The following FBXO21 variants were observed in gnomAD, a reference collection of about 807,000 sequenced individuals.
FBXO21 encodes F-box only protein 21.
Under a neutral mutation model 76.6 loss-of-function variants are expected in FBXO21, and 32 were observed. The observed-to-expected ratio is 0.42, with a 90% CI of 0.32 to 0.56. The LOEUF is 0.56. Among genes scored for constraint, FBXO21 ranks in the 20% least tolerant of loss-of-function variants. FBXO21 has a pLI of 0.16. For missense variants in FBXO21, 586 were observed against 797.3 expected, an observed-to-expected ratio of 0.73 and a Z score of 3.19; for synonymous variants, 328 against 311.5, an observed-to-expected ratio of 1.05 and a Z score of -0.56.
In FBXO21 at chr12:117,143,177, T is replaced by A. The variant is rs745931273; in HGVS notation, c.*2910A>T. 1.3e-5 allele frequency: 2 copies of A among 152,188 alleles called. No individual in the cohort carries two copies. The highest frequency in any genetic ancestry group is 6.5e-5 in the Admixed American group (1 of 15,278). 9.4% of individuals were successfully genotyped at this position (152,188 alleles called of 1,614,324 possible). ...CTCACTGAGACAGCTTTTCAAAGCA[T>A]GTCTGCAAACACCGGACCCCCGGGG... is the stretch of plus-strand genomic sequence containing the variant. On this transcript the variant is annotated 3_prime_UTR_variant, in exon 12 of 12. Transcript: ENST00000622495.
chr12:117,163,290 T>C (rs1386492052), intron 9 of FBXO21, among the ~76,000 whole-genome samples: 2 of 152,238 alleles, frequency 1.3e-5, no homozygotes, highest in East Asian at 3.8e-4. Flanking sequence ...CCCAGCACTT[T>C]GGGAGGCCGA....
intron 11 of FBXO21, among the ~76,000 whole-genome samples, chr12:117,147,291 A>G (rs1361137919): frequency 8.2e-5 from 7 of 85,000 alleles, no homozygotes; most frequent in African/African-American, 5.2e-4. Flanking sequence ...GAAAAAATGG[A>G]AAAAAAAAAA....
Position 117,186,458 on chromosome 12 carries a change from TGCTAAAG to T in FBXO21, c.470+12_470+18del. The T allele has an allele frequency of 1.3e-6, 2 of 1,543,096 alleles. No individual in the cohort carries two copies. Among genetic ancestry groups the T allele is most frequent in the Non-Finnish European group, 1.8e-6 (2 of 1,117,044 alleles). ...GGACTTATTAAAGCAAACAAATCCC[TGCTAAAG>T]CTATGGCTTACCTTCCTTCCATATT... On this transcript the variant is annotated intron_variant, in intron 3 of 11. Coordinates refer to ENST00000622495, the MANE Select transcript of FBXO21 (RefSeq NM_015002.3).
chr12:117,190,416 G>T lies in FBXO21; in HGVS notation c.41C>A (p.Pro14Gln). The T allele has an allele frequency of 6.8e-6, 10 of 1,475,824 alleles. No homozygotes were observed. Among genetic ancestry groups the T allele is most frequent in the African/African-American group, 1.5e-5 (1 of 68,712 alleles). 91.4% of individuals were successfully genotyped at this position (1,475,824 alleles called of 1,614,324 possible). ...AAVDSAMEVV[P>Q]ALAEEAAPEV... ...CGGCGCGGCCTCCTCCGCCAGCGCC[G>T]GCACCACCTCCATCGCGCTGTCGAC... Residue 14 changes from proline to glutamine, a missense_variant, in exon 1 of 12, where the codon CCG (proline) becomes CAG (glutamine). Pro to Gln is a moderately conservative substitution (Grantham distance 76). Coordinates refer to ENST00000622495, the MANE Select transcript of FBXO21 (RefSeq NM_015002.3).
chr12:117,157,861 C>G lies in FBXO21; in HGVS notation c.1517+12G>C, dbSNP rs114233701. On this transcript the variant is annotated intron_variant, in intron 10 of 11. Transcript: ENST00000622495. The stretch of plus-strand genomic sequence containing the variant: ...AACGGACACTGCAGGACAGATGATC[C>G]CGGGCACTCACCTCTTATGCTTCAT... The G allele has an allele frequency of 1.8e-4, 288 of 1,585,064 alleles. 1 individual carries two copies. In the African/African-American group the frequency reaches 3.6e-3, roughly 20 times the overall value.
intron 9 of FBXO21, 132 bp downstream of exon 9, chr12:117,165,353 T>C: frequency 2.1e-6 from 2 of 944,624 alleles, no homozygotes; most frequent in South Asian, 4.0e-5. Context: ...TACCAATGGG[T>C]TATGATTGGG....
intron 3 of FBXO21, among the ~76,000 whole-genome samples, chr12:117,180,743 A>G (rs547720726): frequency 1.3e-5 from 2 of 151,958 alleles, no homozygotes; most frequent in East Asian, 3.9e-4. Context: ...CTCCTGCCTC[A>G]GCCTCCCAAA....
In FBXO21 at chr12:117,155,814, C is replaced by G; in HGVS notation, c.1652G>C (p.Gly551Ala). ...QPFYNVLVED[G>A]SCRYAAQENL... ...ACCTTGGGCTGCGTATCGACAGGAGCCGTCCTCCACCAGCACGTTATAGAA... is the reference window on the plus strand; with the variant it reads ...ACCTTGGGCTGCGTATCGACAGGAGGCGTCCTCCACCAGCACGTTATAGAA... Residue 551 changes from glycine (G) to alanine (A), a missense_variant, in exon 11 of 12, where the codon GGC becomes GCC. Physicochemically the swap from Gly to Ala is moderately conservative, Grantham distance 60. This residue lies in a region of FBXO21 where 164 missense variants were observed against 236.7 expected (regional missense o/e 0.69). Coordinates refer to ENST00000622495, the MANE Select transcript of FBXO21 (RefSeq NM_015002.3). 1.9e-6 allele frequency: 3 copies of G among 1,613,894 alleles called. No homozygotes were observed. The highest frequency in any genetic ancestry group is 2.2e-5 in the East Asian group (1 of 44,882).
At chr12:117,164,516 T>A (rs976199901) in intron 9 of FBXO21, among the ~76,000 whole-genome samples, 1 of 152,144 alleles carries the variant, frequency 6.6e-6, no homozygotes, top group Non-Finnish European at 1.5e-5. Context: ...TCTCAGGTGA[T>A]CCACCTGCTT....
At chr12:117,162,083 A>T (rs1292267722) in intron 9 of FBXO21, among the ~76,000 whole-genome samples, 1 of 152,074 alleles carries the variant, frequency 6.6e-6, no homozygotes, top group African/African-American at 2.4e-5. Flanking sequence ...CTTGGGGAGG[A>T]GGAAAGGTGG....
chr12:117,167,722 G>T (rs1304038617), intron 7 of FBXO21, among the ~76,000 whole-genome samples: 2 of 149,622 alleles, frequency 1.3e-5, no homozygotes, highest in Non-Finnish European at 3.0e-5. Context: ...CTCCAGCCTG[G>T]GCGACAGAAA....
In FBXO21 at chr12:117,190,374, C is replaced by G; in HGVS notation, c.83G>C (p.Ser28Thr). 1 of 1,516,136 alleles carries G rather than the reference C, an allele frequency of 6.6e-7. No individual in the cohort carries two copies. The highest frequency in any genetic ancestry group is 8.8e-7 in the Non-Finnish European group (1 of 1,141,128). 93.9% of individuals were successfully genotyped at this position (1,516,136 alleles called of 1,614,324 possible). ...EEAAPEVAGL[S>T]CLVNLPGEVL... ...CTCACCCGGCAGGTTGACGAGGCAGCTGAGGCCCGCTACCTCCGGCGCGGC... is the reference window on the plus strand; with the variant it reads ...CTCACCCGGCAGGTTGACGAGGCAGGTGAGGCCCGCTACCTCCGGCGCGGC... Residue 28 changes from serine (S) to threonine (T), a missense_variant, in exon 1 of 12, where the codon AGC (serine) becomes ACC (threonine). This residue lies in a region of FBXO21 where 152 missense variants were observed against 127.2 expected (regional missense o/e 1.19). Coordinates refer to ENST00000622495, the MANE Select transcript of FBXO21 (RefSeq NM_015002.3).
At chr12:117,181,608 T>TCTAC (rs1956233556) in intron 3 of FBXO21, among the ~76,000 whole-genome samples, 1 of 123,808 alleles carries the variant, frequency 8.1e-6, no homozygotes, top group South Asian at 2.3e-4. Flanking sequence ...AGTCTATCTA[T>TCTAC]CTATCTATCT....
intron 5 of FBXO21, 112 bp downstream of exon 5, chr12:117,174,539 A>C (rs1956154369): frequency 7.4e-7 from 1 of 1,353,894 alleles, no homozygotes; most frequent in Admixed American, 2.1e-5. Flanking sequence ...TGGTCACGTC[A>C]TTTTATCACT....
chr12:117,148,812 C>T (rs1348510493), intron 11 of FBXO21, among the ~76,000 whole-genome samples: 4 of 152,168 alleles, frequency 2.6e-5, no homozygotes, highest in South Asian at 2.1e-4. Context: ...CCCAAAGGGA[C>T]GCTCCAGCCC....
intron 3 of FBXO21, 136 bp from the exon 4 acceptor site, chr12:117,177,777 G>T (rs575737909): frequency 9.3e-6 from 6 of 647,310 alleles, no homozygotes; most frequent in African/African-American, 3.6e-5. Flanking sequence ...AATTATAATG[G>T]AAATAGCAGT....
rs1956154092 is a variant in FBXO21, at chr12:117,174,520, G to T, written c.739+131C>A. 2.4e-6 allele frequency: 3 copies of T among 1,241,722 alleles called. No individual in the cohort carries two copies. In the South Asian group the frequency reaches 4.2e-5, roughly 17 times the overall value. 76.9% of individuals were successfully genotyped at this position (1,241,722 alleles called of 1,614,324 possible). A position where few individuals can be genotyped will look rare whatever the true frequency, so the allele number is the denominator to read the frequency against. On this transcript the variant is annotated intron_variant, in intron 5 of 11. Coordinates refer to ENST00000622495, the MANE Select transcript of FBXO21 (RefSeq NM_015002.3). The stretch of plus-strand genomic sequence containing the variant: ...GTTTTAGGTTCAACACTTCAACCAG[G>T]TAAACACGTGGTCACGTCATTTTAT...
intron 9 of FBXO21, among the ~76,000 whole-genome samples, chr12:117,164,482 G>A (rs1956027764): frequency 6.6e-6 from 1 of 151,942 alleles, no homozygotes; most frequent in Non-Finnish European, 1.5e-5. Context: ...CACTATGTTG[G>A]CCAGGCTGGT....
At chr12:117,163,991 G>C (rs534654335) in intron 9 of FBXO21, among the ~76,000 whole-genome samples, 1 of 151,906 alleles carries the variant, frequency 6.6e-6, no homozygotes, top group Admixed American at 6.6e-5. Flanking sequence ...AATAGGCAGG[G>C]TGTGGTGGCA....
Sources: allele counts gnomAD v4.1 joint callset (sites outside exome capture counted in the v4.1 genomes callset), GRCh38; gene constraint gnomAD v4.1.1; regional missense constraint gnomAD v4.1.1; transcripts MANE v1.5; gene names NCBI Gene and HGNC (gene_info 2026-07-23, HGNC 2026-07-21).